USH1G: variants seen among roughly 807,000 people sequenced by gnomAD.
The protein encoded by USH1G is USH1 protein network component sans, also known as pre-mRNA splicing regulator USH1G.
A neutral mutation model predicts 31.9 loss-of-function variants in USH1G; 27 were observed. That is an observed-to-expected ratio of 0.85 (90% confidence interval 0.62 to 1.17). USH1G has a LOEUF of 1.17. USH1G is among the 50% of genes most tolerant of loss of function. The probability of loss-of-function intolerance (pLI) is 0.00; values close to 1 mark genes in which losing one functional copy is unlikely to be tolerated. For missense variants in USH1G, 674 were observed against 638.9 expected, an observed-to-expected ratio of 1.05 and a Z score of -0.59; for synonymous variants, 266 against 283.2, an observed-to-expected ratio of 0.94 and a Z score of 0.61.
At position 74,916,562 on chromosome 17, in the gene USH1G, G is replaced by A. The variant is rs2038869527; in HGVS notation, c.*1511C>T. Reference sequence around the variant, plus strand: ...AGCTGCTTCCCAAGCTGAGGTCAGGGATGGGGGGCCATGGCTGAGAAAGGA... The same window carrying A: ...AGCTGCTTCCCAAGCTGAGGTCAGGAATGGGGGGCCATGGCTGAGAAAGGA... On this transcript the variant is annotated 3_prime_UTR_variant, in exon 3 of 3. Coordinates refer to ENST00000614341, the MANE Select transcript of USH1G (RefSeq NM_173477.5). 6.6e-6 allele frequency: 1 copy of A among 152,278 alleles called. No individual in the cohort carries two copies. The highest frequency in any genetic ancestry group is 2.1e-4 in the South Asian group (1 of 4,838). The allele number at this position is 152,278 out of a possible 1,614,324, so 9.4% of individuals were successfully genotyped here.
Position 74,918,013 on chromosome 17 carries a change from AC to A in USH1G, c.*59del. The A allele has an allele frequency of 6.2e-7, 1 of 1,612,000 alleles. No individual in the cohort carries two copies. Among genetic ancestry groups the A allele is most frequent in the Non-Finnish European group, 8.5e-7 (1 of 1,178,498 alleles). On this transcript the variant is annotated 3_prime_UTR_variant, in exon 3 of 3. Transcript: ENST00000614341. This position sits in a 1 kb window ranked among gnomAD's most constrained non-coding sequence, Gnocchi z 4.1. ...GGCTGGCAACTGTGAGGACCTCGAG[AC>A]CCCACCATAGGTTGTGGCAACTTGC...
rs995514331 is a variant in USH1G at position 74,921,081 on chromosome 17, G to A, written c.165-410C>T. Among the ~76,000 whole-genome samples the A allele has an allele frequency of 6.6e-6, 1 of 152,158 alleles. No individual in the cohort carries two copies. Among genetic ancestry groups the A allele is most frequent in the Non-Finnish European group, 1.5e-5 (1 of 68,020 alleles). Reference sequence around the variant, plus strand: ...TGGGTCTCTAGGCAGGCGTGGTGGTGAGTGTGGCTGCGTGTGCCGAGTGAC... The same window carrying A: ...TGGGTCTCTAGGCAGGCGTGGTGGTAAGTGTGGCTGCGTGTGCCGAGTGAC... On this transcript the variant is annotated intron_variant, in intron 1 of 2. Coordinates refer to ENST00000614341, the MANE Select transcript of USH1G (RefSeq NM_173477.5). This position sits in a 1 kb window ranked among gnomAD's most constrained non-coding sequence, Gnocchi z 4.6.
intron 1 of USH1G, among the ~76,000 whole-genome samples, chr17:74,922,360 G>C (rs1598586873): frequency 2.6e-5 from 4 of 152,212 alleles, no homozygotes; most frequent in African/African-American, 9.6e-5. Flanking sequence ...GACTTGGAGA[G>C]AGTTAATGGA....
rs904126534 is a variant in USH1G at position 74,916,344 on chromosome 17, G to A, written c.*1729C>T. ...GCTGTGGTGGGCTCCAGATGGCGGT[G>A]GCAGGCAGCCAAGCCCTCAGTGTCC... On this transcript the variant is annotated 3_prime_UTR_variant, in exon 3 of 3. Coordinates refer to ENST00000614341, the MANE Select transcript of USH1G (RefSeq NM_173477.5). The A allele has an allele frequency of 6.6e-6, 1 of 152,500 alleles. No homozygotes were observed. Among genetic ancestry groups the A allele is most frequent in the Non-Finnish European group, 1.5e-5 (1 of 68,266 alleles). The allele number at this position is 152,500 out of a possible 1,614,324, so 9.4% of individuals were successfully genotyped here.
Position 74,921,967 on chromosome 17 carries a change from G to A in USH1G, c.164+943C>T, listed in dbSNP as rs1050449889. On this transcript the variant is annotated intron_variant, in intron 1 of 2. Transcript: ENST00000614341. This position sits in a 1 kb window ranked among gnomAD's most constrained non-coding sequence, Gnocchi z 4.6. ...GCACCTACTACATGTTCAGGCACTG[G>A]CCAGTACCTGGTACCGGGGCCAGCT... is the stretch of plus-strand genomic sequence containing the variant. Among the ~76,000 whole-genome samples, 1 of 152,282 alleles carries A rather than the reference G, an allele frequency of 6.6e-6. No homozygotes were observed. Among genetic ancestry groups the A allele is most frequent in the Admixed American group, 6.5e-5 (1 of 15,304 alleles).
At position 74,918,092 on chromosome 17, in the gene USH1G, CAGAA is replaced by C. The variant is rs1371264919; in HGVS notation, c.1383-20_1383-17del. On this transcript the variant is annotated splice_polypyrimidine_tract_variant and intron_variant, in intron 2 of 2. Transcript: ENST00000614341. The surrounding 1 kb of genome is among the most constrained non-coding windows in gnomAD (Gnocchi z 4.1). ...CCCCGGTTATCTGTGGAGGAAGAGA[CAGAA>C]AGAAACAGATCTCACATGAGGCCCT... 4 of 1,613,778 alleles carry C rather than the reference CAGAA, an allele frequency of 2.5e-6. No homozygotes were observed. Among genetic ancestry groups the C allele is most frequent in the Non-Finnish European group, 3.4e-6 (4 of 1,179,934 alleles).
At position 74,916,417 on chromosome 17, in the gene USH1G, A is replaced by C. The variant is rs8067775; in HGVS notation, c.*1656T>G. On this transcript the variant is annotated 3_prime_UTR_variant, in exon 3 of 3. Coordinates refer to ENST00000614341, the MANE Select transcript of USH1G (RefSeq NM_173477.5). ...CCTCCATGCCCCCTACTCTGGGCAC[A>C]TGTGTGGGAATGGGAACCCCCAGAC... The C allele has an allele frequency of 6.6e-6, 1 of 152,120 alleles. No homozygotes were observed. The highest frequency in any genetic ancestry group is 1.5e-5 in the Non-Finnish European group (1 of 68,036). 9.4% of individuals were successfully genotyped at this position (152,120 alleles called of 1,614,324 possible). A position where few individuals can be genotyped will look rare whatever the true frequency, so the allele number is the denominator to read the frequency against.
intron 1 of USH1G, among the ~76,000 whole-genome samples, chr17:74,922,046 G>T (rs1356589476): frequency 6.6e-6 from 1 of 152,190 alleles, no homozygotes; most frequent in Non-Finnish European, 1.5e-5. Flanking sequence ...CCTTCCTGGG[G>T]TGTCCTGTCC....
chr17:74,917,602 A>C lies in USH1G; in HGVS notation c.*471T>G. On this transcript the variant is annotated 3_prime_UTR_variant, in exon 3 of 3. Coordinates refer to ENST00000614341, the MANE Select transcript of USH1G (RefSeq NM_173477.5). ...CCTCTGGGGTGGACGGGAGGAGGGGAGGCAGCCCAAACTCTTCCCTTCACA... is the reference window on the plus strand; with the variant it reads ...CCTCTGGGGTGGACGGGAGGAGGGGCGGCAGCCCAAACTCTTCCCTTCACA... 5.8e-6 allele frequency: 1 copy of C among 172,816 alleles called. No homozygotes were observed. The highest frequency in any genetic ancestry group is 5.6e-5 in the Admixed American group (1 of 17,870). 10.7% of individuals were successfully genotyped at this position (172,816 alleles called of 1,614,324 possible).
In USH1G at chr17:74,921,144, G is replaced by A. The variant is rs1338972184; in HGVS notation, c.165-473C>T. Reference sequence around the variant, plus strand: ...CAGACCAGTGGGTGGTGTGTGCCGGGCCCCAGCCCCGGGTGAGCGTGTGTG... The same window carrying A: ...CAGACCAGTGGGTGGTGTGTGCCGGACCCCAGCCCCGGGTGAGCGTGTGTG... On this transcript the variant is annotated intron_variant, in intron 1 of 2. Transcript: ENST00000614341. This position sits in a 1 kb window ranked among gnomAD's most constrained non-coding sequence, Gnocchi z 4.6. 6.6e-6 allele frequency among the ~76,000 whole-genome samples: 1 copy of A among 152,134 alleles called. No individual in the cohort carries two copies. Among genetic ancestry groups the A allele is most frequent in the Non-Finnish European group, 1.5e-5 (1 of 68,006 alleles).
Position 74,922,917 on chromosome 17 carries a change from T to C in USH1G, c.157A>G (p.Ser53Gly). The change falls in exon 1 of 3, where the codon AGC (serine) becomes GGC (glycine). Residue 53 changes from serine (S) to glycine (G), a missense_variant. Physicochemically the swap from Ser to Gly is moderately conservative, Grantham distance 56 (BLOSUM62 0). Coordinates refer to ENST00000614341, the MANE Select transcript of USH1G (RefSeq NM_173477.5). Reference protein sequence around the residue: ...GNLESLRLIVSRGGDPDKCDI... With the variant: ...GNLESLRLIVGRGGDPDKCDI... The stretch of plus-strand genomic sequence containing the variant: ...TGGGTGGGGCGTACTCACCCGCGGC[T>C]CACAATGAGACGCAGCGACTCGAGG... 6.5e-7 allele frequency: 1 copy of C among 1,542,782 alleles called. No homozygotes were observed.
rs1269737005 is a variant in USH1G at position 74,920,176 on chromosome 17, C to T, written c.660G>A (p.Leu220=). 6.2e-7 allele frequency: 1 copy of T among 1,602,248 alleles called. No individual in the cohort carries two copies. The highest frequency in any genetic ancestry group is 8.5e-7 in the Non-Finnish European group (1 of 1,179,828). The change falls in exon 2 of 3, where the codon CTG becomes CTA. Residue 220 remains leucine (L), a synonymous_variant. Coordinates refer to ENST00000614341, the MANE Select transcript of USH1G (RefSeq NM_173477.5). This position sits in a 1 kb window ranked among gnomAD's most constrained non-coding sequence, Gnocchi z 5.2. ...CTTCGCCGCCCTGCTTGCGCCGCTC[C>T]AGCTTCTTCTGCATCTTGGTCTTGC... ...ARGKTKMQKK[L]ERRKQGGEGT...
Position 74,921,580 on chromosome 17 carries a change from C to T in USH1G, c.165-909G>A, listed in dbSNP as rs550802184. On this transcript the variant is annotated intron_variant, in intron 1 of 2. Transcript: ENST00000614341. This position sits in a 1 kb window ranked among gnomAD's most constrained non-coding sequence, Gnocchi z 4.6. Reference sequence around the variant, plus strand: ...CCCCAGGGCTGGGGGAAGAATCACTCCCTTGTCTCAACAGCTCCCCACACA... The same window carrying T: ...CCCCAGGGCTGGGGGAAGAATCACTTCCTTGTCTCAACAGCTCCCCACACA... Among the ~76,000 whole-genome samples the T allele has an allele frequency of 9.6e-4, 146 of 152,222 alleles. No individual in the cohort carries two copies. Among genetic ancestry groups the T allele is most frequent in the African/African-American group, 3.3e-3 (139 of 41,530 alleles).
At position 74,916,121 on chromosome 17, in the gene USH1G, A is replaced by G. The variant is rs2038864526; in HGVS notation, c.*1952T>C. On this transcript the variant is annotated 3_prime_UTR_variant, in exon 3 of 3. Coordinates refer to ENST00000614341, the MANE Select transcript of USH1G (RefSeq NM_173477.5). ...GAGAACATTCTCTACAAAAGTGGCAATGAGCCTGCAGGAGGGATTCGGGGT... is the reference window on the plus strand; with the variant it reads ...GAGAACATTCTCTACAAAAGTGGCAGTGAGCCTGCAGGAGGGATTCGGGGT... 1 of 151,394 alleles carries G rather than the reference A, an allele frequency of 6.6e-6. No homozygotes were observed. Among genetic ancestry groups the G allele is most frequent in the Non-Finnish European group, 1.5e-5 (1 of 67,796 alleles). The allele number at this position is 151,394 out of a possible 1,614,324, so 9.4% of individuals were successfully genotyped here.
In USH1G at chr17:74,916,420, T is replaced by C. The variant is rs1405225076; in HGVS notation, c.*1653A>G. 1 of 151,872 alleles carries C rather than the reference T, an allele frequency of 6.6e-6. No individual in the cohort carries two copies. Among genetic ancestry groups the C allele is most frequent in the East Asian group, 1.9e-4 (1 of 5,168 alleles). 9.4% of individuals were successfully genotyped at this position (151,872 alleles called of 1,614,324 possible). A position where few individuals can be genotyped will look rare whatever the true frequency, so the allele number is the denominator to read the frequency against. On this transcript the variant is annotated 3_prime_UTR_variant, in exon 3 of 3. Transcript: ENST00000614341. Reference sequence around the variant, plus strand: ...CCATGCCCCCTACTCTGGGCACATGTGTGGGAATGGGAACCCCCAGACAGA... The same window carrying C: ...CCATGCCCCCTACTCTGGGCACATGCGTGGGAATGGGAACCCCCAGACAGA...
At position 74,920,352 on chromosome 17, in the gene USH1G, C is replaced by T. The variant is rs1261962895; in HGVS notation, c.484G>A (p.Glu162Lys). Residue 162 changes from glutamate to lysine, a missense_variant, in exon 2 of 3, where the codon GAG becomes AAG. Coordinates refer to ENST00000614341, the MANE Select transcript of USH1G (RefSeq NM_173477.5). This position sits in a 1 kb window ranked among gnomAD's most constrained non-coding sequence, Gnocchi z 5.2. The part of the protein sequence containing the change: ...KLQRRHHERM[E>K]RRYRRELAER... ...GCCAGCTCGCGCCGGTATCGCCGCT[C>T]CATGCGTTCGTGGTGCCTCCGCTGC... 3 of 1,611,956 alleles carry T rather than the reference C, an allele frequency of 1.9e-6. No individual in the cohort carries two copies. The highest frequency in any genetic ancestry group is 1.7e-5 in the Admixed American group (1 of 59,996).
rs1478096950 is a variant in USH1G, at chr17:74,919,667, C to A, written c.1169G>T (p.Ser390Ile). 1 of 1,612,864 alleles carries A rather than the reference C, an allele frequency of 6.2e-7. No homozygotes were observed. The highest frequency in any genetic ancestry group is 8.5e-7 in the Non-Finnish European group (1 of 1,180,040). The change falls in exon 2 of 3, where the codon AGC (serine) becomes ATC (isoleucine). Residue 390 changes from serine (S) to isoleucine (I), a missense_variant. Ser to Ile is a moderately radical substitution (Grantham distance 142). Transcript: ENST00000614341. The surrounding 1 kb of genome is among the most constrained non-coding windows in gnomAD (Gnocchi z 4.5). ...GLDEDLEPET[S>I]PLETFLASLH... is the part of the protein sequence containing the mutation. ...AGAGGCCAGGAAGGTCTCCAGCGGG[C>A]TAGTCTCGGGCTCCAGGTCCTCGTC...
Position 74,922,817 on chromosome 17 carries a change from C to G in USH1G, c.164+93G>C, listed in dbSNP as rs111801414. Reference sequence around the variant, plus strand: ...CGCCAGGGTCTAAGGGTCCGCCTGTCTGCAGGGGAAGGAGGCAGCTCAGAG... The same window carrying G: ...CGCCAGGGTCTAAGGGTCCGCCTGTGTGCAGGGGAAGGAGGCAGCTCAGAG... On this transcript the variant is annotated intron_variant, in intron 1 of 2. Coordinates refer to ENST00000614341, the MANE Select transcript of USH1G (RefSeq NM_173477.5). 1,983 of 1,426,012 alleles carry G rather than the reference C, an allele frequency of 1.4e-3. 15 individuals are homozygous for G. The African/African-American group carries it at 0.019, about 14-fold the overall frequency. 88.3% of individuals were successfully genotyped at this position (1,426,012 alleles called of 1,614,324 possible). A position where few individuals can be genotyped will look rare whatever the true frequency, so the allele number is the denominator to read the frequency against.
intron 1 of USH1G, among the ~76,000 whole-genome samples, chr17:74,922,338 C>A (rs1311990275): frequency 6.6e-6 from 1 of 151,698 alleles, no homozygotes; most frequent in Admixed American, 6.6e-5. Context: ...CTGTGCCCGG[C>A]TGTGGGGGAG....
Sources: gnomAD v4.1 joint callset for allele counts (sites outside exome capture counted in the v4.1 genomes callset) on GRCh38, gnomAD v4.1.1 for gene constraint, Gnocchi (gnomAD v3.1) non-coding constraint, MANE v1.5 for transcripts, NCBI Gene and HGNC (gene_info 2026-07-23, HGNC 2026-07-21) for gene names.